ZAP70: variants seen among roughly 807,000 people sequenced by gnomAD.
ZAP70 encodes tyrosine-protein kinase ZAP-70.
ZAP70 carries 27 observed loss-of-function variants against 65.8 expected under a neutral mutation model. The ratio of observed to expected loss-of-function variants is 0.41; its 90% confidence interval spans 0.30 to 0.57. The LOEUF is 0.57. Ranked by LOEUF, ZAP70 falls within the 20% of genes least tolerant of loss-of-function variation. The pLI is 0.28. For missense variants in ZAP70, 696 were observed against 870.5 expected, an observed-to-expected ratio of 0.80 and a Z score of 2.52; for synonymous variants, 363 against 360.8, an observed-to-expected ratio of 1.01 and a Z score of -0.07.
chr2:97,731,386 C>T lies in ZAP70; in HGVS notation c.564-1497C>T, dbSNP rs148459721. ...GGTGTCACTGCGGGGTTTCACGTGACGGCGCTGCATCTGCTGTCCCAGCCT... is the reference window on the plus strand; with the variant it reads ...GGTGTCACTGCGGGGTTTCACGTGATGGCGCTGCATCTGCTGTCCCAGCCT... On this transcript the variant is annotated intron_variant, in intron 4 of 13. Coordinates refer to ENST00000264972, the MANE Select transcript of ZAP70 (RefSeq NM_001079.4). The surrounding 1 kb of genome is among the most constrained non-coding windows in gnomAD (Gnocchi z 4.0). 9.5e-4 allele frequency among the ~76,000 whole-genome samples: 145 copies of T among 151,936 alleles called. 1 individual carries two copies. Among genetic ancestry groups the T allele is most frequent in the Admixed American group, 1.9e-3 (29 of 15,276 alleles).
downstream of ZAP70, among the ~76,000 whole-genome samples, chr2:97,740,461 G>A (rs1052857242): frequency 1.3e-5 from 2 of 152,180 alleles, no homozygotes; most frequent in Non-Finnish European, 1.5e-5. Flanking sequence ...GTCGCTGAAC[G>A]ACTTACATTA....
At chr2:97,723,716 C>A (rs1471816765) in intron 2 of ZAP70, among the ~76,000 whole-genome samples, 4 of 152,250 alleles carry the variant, frequency 2.6e-5, no homozygotes, top group African/African-American at 7.2e-5. Flanking sequence ...TAATTCAGCA[C>A]GTGGTTGGGA....
rs200787273 is a variant in ZAP70, at chr2:97,737,693, C to T, written c.1482+28C>T. On this transcript the variant is annotated intron_variant, in intron 11 of 13. Transcript: ENST00000264972. The surrounding 1 kb of genome is among the most constrained non-coding windows in gnomAD (Gnocchi z 5.0). ...AAGCCTCTGCCCCTGTGATGCCCGACTGGATGGGCTGGGTGGGTAGAGGGT... is the reference window on the plus strand; with the variant it reads ...AAGCCTCTGCCCCTGTGATGCCCGATTGGATGGGCTGGGTGGGTAGAGGGT... 1 of 1,614,076 alleles carries T rather than the reference C, an allele frequency of 6.2e-7. No homozygotes were observed. The highest frequency in any genetic ancestry group is 8.5e-7 in the Non-Finnish European group (1 of 1,179,982).
At chr2:97,716,660 C>T (rs570818309) in intron 2 of ZAP70, among the ~76,000 whole-genome samples, 18 of 152,028 alleles carry the variant, frequency 1.2e-4, no homozygotes, top group South Asian at 6.2e-4. Context: ...CTGGTTTGTC[C>T]GAGGGACCTG....
chr2:97,747,789 T>C, the ZAP70 span, among the ~76,000 whole-genome samples: 8 of 150,262 alleles, frequency 5.3e-5, no homozygotes, highest in Middle Eastern at 3.5e-3. Flanking sequence ...AGAGTGTCTA[T>C]TGGACCTGGC....
intron 8 of ZAP70, chr2:97,734,217 G>A (rs532683006): frequency 1.9e-5 from 11 of 594,526 alleles, no homozygotes; most frequent in East Asian, 3.7e-5. Context: ...GGCCATAGGC[G>A]TACACGTACG....
intron 3 of ZAP70, chr2:97,724,769 C>T (rs1677311865): frequency 4.0e-6 from 6 of 1,505,448 alleles, no homozygotes; most frequent in Non-Finnish European, 4.4e-6. Context: ...TAGGGTGAGC[C>T]CTTAGGGTAG....
intron 2 of ZAP70, among the ~76,000 whole-genome samples, chr2:97,716,240 C>T (rs1676908792): frequency 6.6e-6 from 1 of 152,172 alleles, no homozygotes; most frequent in Admixed American, 6.5e-5. Flanking sequence ...CCCTGTGGCC[C>T]CTCACCCCTT....
chr2:97,741,769 G>C (rs1305672883), downstream of ZAP70, among the ~76,000 whole-genome samples: 3 of 152,218 alleles, frequency 2.0e-5, no homozygotes, highest in African/African-American at 2.4e-5. Flanking sequence ...ACCGTTCCAA[G>C]ACCATACAGA....
the ZAP70 span, among the ~76,000 whole-genome samples, chr2:97,755,377 C>T: frequency 3.3e-5 from 5 of 152,298 alleles, no homozygotes; most frequent in South Asian, 2.1e-4. Context: ...ACCAAGGCTC[C>T]GTTTCCAGCA....
Position 97,737,512 on chromosome 2 carries a change from C to T in ZAP70, c.1329C>T (p.His443=), listed in dbSNP as rs1398731318. 6.2e-7 allele frequency: 1 copy of T among 1,614,124 alleles called. No individual in the cohort carries two copies. Among genetic ancestry groups the T allele is most frequent in the Admixed American group, 1.7e-5 (1 of 60,020 alleles). ...IPVSNVAELL[H]QVSMGMKYLE... is the part of the protein sequence containing the mutation. ...TGAGCAATGTGGCCGAGCTGCTGCA[C>T]CAGGTGTCCATGGGGATGAAGTACC... Residue 443 remains histidine (H), a synonymous_variant, in exon 11 of 14, where the codon CAC becomes CAT. Coordinates refer to ENST00000264972, the MANE Select transcript of ZAP70 (RefSeq NM_001079.4). This position sits in a 1 kb window ranked among gnomAD's most constrained non-coding sequence, Gnocchi z 5.0.
At chr2:97,732,150 C>A (rs1312515084) in intron 4 of ZAP70, among the ~76,000 whole-genome samples, 1 of 152,146 alleles carries the variant, frequency 6.6e-6, no homozygotes, top group Non-Finnish European at 1.5e-5. Context: ...GGGCTCAATT[C>A]CCATCATAGA....
intron 2 of ZAP70, among the ~76,000 whole-genome samples, chr2:97,723,350 C>T (rs1387070751): frequency 6.6e-6 from 1 of 152,248 alleles, no homozygotes; most frequent in Admixed American, 6.5e-5. Flanking sequence ...AGGGGTAGGG[C>T]CCTTGGGTGA....
the ZAP70 span, among the ~76,000 whole-genome samples, chr2:97,746,535 T>TA: frequency 6.6e-6 from 1 of 152,210 alleles, no homozygotes; most frequent in Non-Finnish European, 1.5e-5. Context: ...CAGAGGAGGT[T>TA]AAGGGCTTGG....
At position 97,715,923 on chromosome 2, in the gene ZAP70, C is replaced by G. The variant is rs1359681667; in HGVS notation, c.-22+1929C>G. The stretch of plus-strand genomic sequence containing the variant: ...AGGAAGCAGGAGCTTCCATAGAAAA[C>G]AAGACAGAGCCGTGGGCCCTGCCTC... On this transcript the variant is annotated intron_variant, in intron 2 of 13. Transcript: ENST00000264972. The surrounding 1 kb of genome is among the most constrained non-coding windows in gnomAD (Gnocchi z 4.1). Among the ~76,000 whole-genome samples the G allele has an allele frequency of 6.6e-6, 1 of 152,182 alleles. No homozygotes were observed. The highest frequency in any genetic ancestry group is 2.4e-5 in the African/African-American group (1 of 41,434).
At position 97,739,518 on chromosome 2, in the gene ZAP70, G is replaced by C; in HGVS notation, c.*20G>C. On this transcript the variant is annotated 3_prime_UTR_variant, in exon 14 of 14. Coordinates refer to ENST00000264972, the MANE Select transcript of ZAP70 (RefSeq NM_001079.4). ...GCCTGAGCTCCCGCTGCCCAGGGGA[G>C]CCCTCCACGCCGGCTCTTCCCCACC... The C allele has an allele frequency of 6.2e-7, 1 of 1,608,728 alleles. No homozygotes were observed. The highest frequency in any genetic ancestry group is 8.5e-7 in the Non-Finnish European group (1 of 1,178,316).
downstream of ZAP70, among the ~76,000 whole-genome samples, chr2:97,741,299 C>T (rs889018843): frequency 6.6e-6 from 1 of 152,228 alleles, no homozygotes; most frequent in African/African-American, 2.4e-5. Flanking sequence ...CGGCTCTGAC[C>T]AAGCCCCTTC....
chr2:97,715,150 C>T lies in ZAP70; in HGVS notation c.-22+1156C>T, dbSNP rs1450017624. Among the ~76,000 whole-genome samples the T allele has an allele frequency of 6.6e-6, 1 of 152,184 alleles. No homozygotes were observed. The highest frequency in any genetic ancestry group is 1.5e-5 in the Non-Finnish European group (1 of 68,030). On this transcript the variant is annotated intron_variant, in intron 2 of 13. Coordinates refer to ENST00000264972, the MANE Select transcript of ZAP70 (RefSeq NM_001079.4). This position sits in a 1 kb window ranked among gnomAD's most constrained non-coding sequence, Gnocchi z 4.1. ...CTGTATGCTCTCCGGGGCTGCAGCA[C>T]CCAGACCACCCCGTGCTGACCACTC...
In ZAP70 at chr2:97,732,884, C is replaced by T. The variant is rs1225899511; in HGVS notation, c.565C>T (p.Leu189=). The T allele has an allele frequency of 2.5e-6, 4 of 1,613,918 alleles. No individual in the cohort carries two copies. The Admixed American group carries it at 6.7e-5, about 27-fold the overall frequency. Residue 189 remains leucine, a splice_region_variant and synonymous_variant, in exon 5 of 14, where the codon CTG becomes TTG. Transcript: ENST00000264972. ...SGAQTDGKFL[L]RPRKEQGTYA... is the part of the protein sequence containing the mutation. The stretch of plus-strand genomic sequence containing the variant: ...ACATCCCCTCCCTTCCCCTGCCAGG[C>T]TGAGGCCGCGGAAGGAGCAGGGCAC...
Sources: gnomAD v4.1 joint callset for allele counts (sites outside exome capture counted in the v4.1 genomes callset) on GRCh38, gnomAD v4.1.1 for gene constraint, Gnocchi (gnomAD v3.1) non-coding constraint, MANE v1.5 for transcripts, NCBI Gene and HGNC (gene_info 2026-07-23, HGNC 2026-07-21) for gene names.